The following FSTL5 variants were observed in gnomAD, a reference collection of about 807,000 sequenced individuals.
FSTL5 encodes follistatin-related protein 5.
In FSTL5, 62 loss-of-function variants were observed where a neutral mutation model predicts 89.1. That is an observed-to-expected ratio of 0.70 (90% CI 0.57 to 0.86). The LOEUF is 0.86. Among genes scored for constraint, FSTL5 ranks in the 40% least tolerant of loss-of-function variants. FSTL5 has a pLI of 0.00. For missense variants in FSTL5, 1,057 were observed against 1,001.6 expected (o/e 1.06, Z -0.75); for synonymous variants, 383 against 346.2 (o/e 1.11, Z -1.18).
intron 3 of FSTL5, among the ~76,000 whole-genome samples, chr4:161,922,278 T>C (rs901434585): frequency 5.1e-4 from 78 of 152,120 alleles, no homozygotes; most frequent in African/African-American, 1.7e-3. Flanking sequence ...ATATTTCCGA[T>C]GTATCTCCAA....
At chr4:161,400,439 G>T (rs1459123476) in intron 15 of FSTL5, among the ~76,000 whole-genome samples, 1 of 151,994 alleles carries the variant, frequency 6.6e-6, no homozygotes, top group Admixed American at 6.6e-5. Flanking sequence ...TGTGCAGACT[G>T]TACTTGATGC....
chr4:161,875,590 G>A (rs753949399), intron 4 of FSTL5, among the ~76,000 whole-genome samples: 4 of 152,114 alleles, frequency 2.6e-5, no homozygotes, highest in Non-Finnish European at 2.9e-5. Context: ...GCCACTGGTC[G>A]GGTCCGCTCG....
At chr4:161,655,649 A>G (rs1736490157) in intron 7 of FSTL5, among the ~76,000 whole-genome samples, 1 of 152,120 alleles carries the variant, frequency 6.6e-6, no homozygotes, top group African/African-American at 2.4e-5. Flanking sequence ...AGTAAGTCTA[A>G]TTCTATCCTG....
At chr4:161,685,079 G>A (rs1737667237) in intron 6 of FSTL5, among the ~76,000 whole-genome samples, 1 of 151,934 alleles carries the variant, frequency 6.6e-6, no homozygotes, top group Non-Finnish European at 1.5e-5. Flanking sequence ...TTTATTACTG[G>A]GTTCTTTATT....
chr4:161,392,560 T>C (rs1326630441), intron 15 of FSTL5, among the ~76,000 whole-genome samples: 1 of 152,204 alleles, frequency 6.6e-6, no homozygotes, highest in Non-Finnish European at 1.5e-5. Context: ...GTAGATTGTA[T>C]TTCAAATATT....
At chr4:161,902,366 GGT>G (rs1270431549) in intron 4 of FSTL5, among the ~76,000 whole-genome samples, 1 of 152,060 alleles carries the variant, frequency 6.6e-6, no homozygotes, top group Non-Finnish European at 1.5e-5. Flanking sequence ...AGTAAGGAGA[GGT>G]GTTTAGTTTT....
intron 4 of FSTL5, among the ~76,000 whole-genome samples, chr4:161,851,301 A>AT (rs1302228817): frequency 1.3e-5 from 2 of 152,142 alleles, no homozygotes; most frequent in Non-Finnish European, 2.9e-5. Context: ...GTCTCAGAAG[A>AT]TTTTTACAAC....
At chr4:161,510,942 T>C (rs1468498790) in intron 10 of FSTL5, among the ~76,000 whole-genome samples, 1 of 152,086 alleles carries the variant, frequency 6.6e-6, no homozygotes, top group Admixed American at 6.6e-5. Flanking sequence ...ATGTTTTTAC[T>C]GTTTTAAAAC....
chr4:161,902,373 A>T (rs1347705226), intron 4 of FSTL5, among the ~76,000 whole-genome samples: 2 of 152,172 alleles, frequency 1.3e-5, no homozygotes, highest in African/African-American at 2.4e-5. Context: ...AGAGGTGTTT[A>T]GTTTTGTAAA....
At chr4:162,101,043 A>C (rs1241014071) in intron 2 of FSTL5, among the ~76,000 whole-genome samples, 1 of 152,228 alleles carries the variant, frequency 6.6e-6, no homozygotes, top group Non-Finnish European at 1.5e-5. Flanking sequence ...TAATCCACAC[A>C]GGTGATAAAC....
rs533233810 is a variant in FSTL5 at position 161,766,585 on chromosome 4, C to T, written c.607-7054G>A. Among the ~76,000 whole-genome samples, 8 of 152,260 alleles carry T rather than the reference C, an allele frequency of 5.3e-5. No individual in the cohort carries two copies. In the South Asian group the frequency reaches 1.0e-3, roughly 20 times the overall value. ...CAACCTAAACCCATCATTGTGTCTT[C>T]GGGAAATCCTGCTCAATCAGAAAAC... On this transcript the variant is annotated intron_variant, in intron 5 of 15. Coordinates refer to ENST00000306100, the MANE Select transcript of FSTL5 (RefSeq NM_020116.5).
At chr4:161,727,679 T>G (rs541074491) in intron 6 of FSTL5, among the ~76,000 whole-genome samples, 1 of 152,308 alleles carries the variant, frequency 6.6e-6, no homozygotes, top group African/African-American at 2.4e-5. Context: ...TTCTACTGTG[T>G]TGAAAACATA....
intron 10 of FSTL5, among the ~76,000 whole-genome samples, chr4:161,522,696 C>A (rs542531612): frequency 1.3e-5 from 2 of 151,468 alleles, no homozygotes; most frequent in East Asian, 3.9e-4. Flanking sequence ...CTTTTTCAAA[C>A]TGGAGGATGA....
chr4:161,629,295 G>A (rs1278880302), intron 7 of FSTL5, among the ~76,000 whole-genome samples: 1 of 152,134 alleles, frequency 6.6e-6, no homozygotes, highest in East Asian at 1.9e-4. Flanking sequence ...GTAAGGAAGA[G>A]TGAAAACACA....
intron 4 of FSTL5, among the ~76,000 whole-genome samples, chr4:161,847,852 C>A (rs770916475): frequency 5.9e-5 from 9 of 151,568 alleles, no homozygotes; most frequent in African/African-American, 2.2e-4. Flanking sequence ...GCCTGGACAA[C>A]ATGGTGAGAC....
intron 3 of FSTL5, among the ~76,000 whole-genome samples, chr4:161,939,358 A>T (rs1312599621): frequency 1.3e-5 from 2 of 152,142 alleles, no homozygotes; most frequent in East Asian, 1.9e-4. Flanking sequence ...ACTTGAAATC[A>T]TATTGAAATA....
intron 13 of FSTL5, among the ~76,000 whole-genome samples, chr4:161,466,582 G>GC (rs745363117): frequency 6.6e-6 from 1 of 152,076 alleles, no homozygotes; most frequent in Non-Finnish European, 1.5e-5. Context: ...GTTACAATAA[G>GC]CCCCTTCTGC....
At chr4:161,999,207 G>T (rs1736389415) in intron 3 of FSTL5, among the ~76,000 whole-genome samples, 1 of 151,914 alleles carries the variant, frequency 6.6e-6, no homozygotes, top group Non-Finnish European at 1.5e-5. Flanking sequence ...CTATTTAATG[G>T]AAATATTATA....
intron 2 of FSTL5, among the ~76,000 whole-genome samples, chr4:162,105,068 C>T (rs978604338): frequency 4.6e-5 from 7 of 152,108 alleles, no homozygotes; most frequent in African/African-American, 1.7e-4. Flanking sequence ...AGTATTTTCT[C>T]CCCTCCCCAG....
Sources: allele counts gnomAD v4.1 joint callset (sites outside exome capture counted in the v4.1 genomes callset), GRCh38; gene constraint gnomAD v4.1.1; transcripts MANE v1.5; gene names NCBI Gene and HGNC (gene_info 2026-07-23, HGNC 2026-07-21).